CELF2: variants seen among roughly 807,000 people sequenced by gnomAD.
The protein encoded by CELF2 is CUGBP Elav-like family member 2.
CELF2 carries 8 observed loss-of-function variants against 62.6 expected under a neutral mutation model. That is an observed-to-expected ratio of 0.13 (90% CI 0.07 to 0.23). CELF2 has a LOEUF of 0.23. Among genes scored for constraint, CELF2 ranks in the 10% least tolerant of loss-of-function variants. The pLI is 1.00. For synonymous variants in CELF2, 258 were observed against 250.0 expected (o/e 1.03, Z -0.30); for missense variants, 333 against 671.0 (o/e 0.50, Z 5.56).
intron 10 of CELF2, chr10:11,320,912 G>C (rs1169522479): frequency 2.6e-6 from 4 of 1,547,684 alleles, no homozygotes; most frequent in Non-Finnish European, 3.5e-6. Context: ...CTTGCCAGTA[G>C]CACGCTGCAT....
At chr10:10,508,324 G>A in the CELF2 span, among the ~76,000 whole-genome samples, 1 of 152,220 alleles carries the variant, frequency 6.6e-6, no homozygotes, top group East Asian at 1.9e-4. Flanking sequence ...CTTGAACATG[G>A]AAATGCCAGA....
intron 1 of CELF2, among the ~76,000 whole-genome samples, chr10:10,885,807 C>T (rs1352604109): frequency 6.6e-6 from 1 of 152,202 alleles, no homozygotes; most frequent in Non-Finnish European, 1.5e-5. Flanking sequence ...TCAAAGCCAG[C>T]AGTGTAACAT....
rs1225627213 is a variant in CELF2, at chr10:11,309,917, G to C, written c.977-4222G>C. 2.0e-5 allele frequency among the ~76,000 whole-genome samples: 3 copies of C among 152,222 alleles called. No homozygotes were observed. The highest frequency in any genetic ancestry group is 7.2e-5 in the African/African-American group (3 of 41,450). The stretch of plus-strand genomic sequence containing the variant: ...ACAGAGCCCTTTGTTCTTGTGACCT[G>C]TCTCTCCCTGCTCTGGAGGTGGTGC... On this transcript the variant is annotated intron_variant, in intron 9 of 12. Coordinates refer to ENST00000633077, the MANE Select transcript of CELF2 (RefSeq NM_001326342.2). This position sits in a 1 kb window ranked among gnomAD's most constrained non-coding sequence, Gnocchi z 5.6.
chr10:10,945,689 A>G (rs893018483), intron 2 of CELF2, among the ~76,000 whole-genome samples: 5 of 152,182 alleles, frequency 3.3e-5, no homozygotes, highest in Admixed American at 1.3e-4. Flanking sequence ...GTATCTGAGT[A>G]GTAAATGGTG....
intron 1 of CELF2, among the ~76,000 whole-genome samples, chr10:10,873,827 C>A (rs4749999): frequency 0.06 from 9,142 of 152,256 alleles, 398 homozygotes; most frequent in Non-Finnish European, 0.09. Context: ...GACCTTCACC[C>A]CTTTGTCCAG....
chr10:10,775,360 G>A, the CELF2 span, among the ~76,000 whole-genome samples: 1 of 152,078 alleles, frequency 6.6e-6, no homozygotes, highest in Admixed American at 6.5e-5. Flanking sequence ...GCCAGGTGCG[G>A]TGGCTCACAC....
the CELF2 span, among the ~76,000 whole-genome samples, chr10:10,490,382 T>C: frequency 1.3e-5 from 2 of 152,136 alleles, no homozygotes; most frequent in African/African-American, 2.4e-5. Flanking sequence ...GGAAAATGCC[T>C]TTGTCCAGGA....
chr10:10,578,720 C>G, the CELF2 span, among the ~76,000 whole-genome samples: 1 of 152,152 alleles, frequency 6.6e-6, no homozygotes, highest in African/African-American at 2.4e-5. Flanking sequence ...TACGTTGGCA[C>G]TTTTCAACAG....
intron 1 of CELF2, among the ~76,000 whole-genome samples, chr10:11,073,416 G>C (rs1351012786): frequency 1.3e-5 from 2 of 152,188 alleles, no homozygotes; most frequent in African/African-American, 4.8e-5. Flanking sequence ...AATGGCAGTA[G>C]CAGCAGGGAT....
At chr10:11,016,110 C>T (rs1157285844), upstream of CELF2, among the ~76,000 whole-genome samples, 1 of 152,124 alleles carries the variant, frequency 6.6e-6, no homozygotes, top group East Asian at 1.9e-4. This position sits in a 1 kb window ranked among gnomAD's most constrained non-coding sequence, Gnocchi z 5.2. Flanking sequence ...ATGCAAATAA[C>T]GTATGGAAAA....
In CELF2 at chr10:11,152,654, A is replaced by G. The variant is rs193017999; in HGVS notation, c.75-12832A>G. On this transcript the variant is annotated intron_variant, in intron 1 of 12. Coordinates refer to ENST00000633077, the MANE Select transcript of CELF2 (RefSeq NM_001326342.2). ...TCTTAGTAATCTTTTCTCCCAAAAA[A>G]GGAAATTTTTCCTTCAGTTACTTTC... Among the ~76,000 whole-genome samples, 1,043 of 152,362 alleles carry G rather than the reference A, an allele frequency of 6.8e-3. 31 individuals carry two copies. Among genetic ancestry groups the G allele is most frequent in the Admixed American group, 0.049 (746 of 15,298 alleles).
intron 3 of CELF2, among the ~76,000 whole-genome samples, chr10:11,231,822 CT>C (rs1036859224): frequency 6.6e-6 from 1 of 150,866 alleles, no homozygotes; most frequent in African/African-American, 2.4e-5. Context: ...TCTCTTTCCC[CT>C]CTCTTCTCTC....
chr10:10,560,656 T>C, the CELF2 span, among the ~76,000 whole-genome samples: 1 of 152,046 alleles, frequency 6.6e-6, no homozygotes, highest in Non-Finnish European at 1.5e-5. Flanking sequence ...GATCCACCAA[T>C]CTCACTACTG....
chr10:10,885,802 G>A (rs1731002000), intron 1 of CELF2, among the ~76,000 whole-genome samples: 1 of 152,140 alleles, frequency 6.6e-6, no homozygotes, highest in South Asian at 2.1e-4. Context: ...CATCTTCAAA[G>A]CCAGCAGTGT....
At chr10:10,609,342 A>C in the CELF2 span, among the ~76,000 whole-genome samples, 2 of 152,174 alleles carry the variant, frequency 1.3e-5, no homozygotes, top group Admixed American at 1.3e-4. Context: ...GTACATTATG[A>C]AATAGCATCC....
At chr10:10,761,664 T>A in the CELF2 span, among the ~76,000 whole-genome samples, 4 of 152,196 alleles carry the variant, frequency 2.6e-5, no homozygotes, top group African/African-American at 9.6e-5. Flanking sequence ...ACCTCCTGCC[T>A]GACCAATTGG....
Position 10,983,603 on chromosome 10 carries a change from T to C in CELF2, c.89+63604T>C, listed in dbSNP as rs1450776604. On this transcript the variant is annotated intron_variant, in intron 2 of 13. Coordinates refer to the CELF2 transcript ENST00000636488. This position sits in a 1 kb window ranked among gnomAD's most constrained non-coding sequence, Gnocchi z 5.2. ...ATTTTTTTGAGACAGAGTCTCACTC[T>C]GCTGCCCAGGCTGGAGTGCAGTGGC... Among the ~76,000 whole-genome samples, 1 of 152,256 alleles carries C rather than the reference T, an allele frequency of 6.6e-6. No homozygotes were observed. The highest frequency in any genetic ancestry group is 1.5e-5 in the Non-Finnish European group (1 of 68,040).
At chr10:10,704,734 C>T in the CELF2 span, among the ~76,000 whole-genome samples, 3 of 152,034 alleles carry the variant, frequency 2.0e-5, no homozygotes, top group South Asian at 2.1e-4. Flanking sequence ...ATGTCTCCTG[C>T]GTCATGTCTG....
Position 11,156,647 on chromosome 10 carries a change from A to T in CELF2, c.75-8839A>T, listed in dbSNP as rs2064470205. On this transcript the variant is annotated intron_variant, in intron 1 of 12. Coordinates refer to ENST00000633077, the MANE Select transcript of CELF2 (RefSeq NM_001326342.2). This position sits in a 1 kb window ranked among gnomAD's most constrained non-coding sequence, Gnocchi z 4.3. ...TGAATTTGTCAGACTCGCGTCATAA[A>T]TATGATTAAGTGAATGAATGAGACA... Among the ~76,000 whole-genome samples, 3 of 152,172 alleles carry T rather than the reference A, an allele frequency of 2.0e-5. No homozygotes were observed. Among genetic ancestry groups the T allele is most frequent in the South Asian group, 4.1e-4 (2 of 4,830 alleles).
Sources: allele counts gnomAD v4.1 joint callset (sites outside exome capture counted in the v4.1 genomes callset), GRCh38; gene constraint gnomAD v4.1.1; non-coding constraint Gnocchi (gnomAD v3.1); transcripts MANE v1.5; gene names NCBI Gene and HGNC (gene_info 2026-07-23, HGNC 2026-07-21).